The following UTRN variants were observed in gnomAD, a reference collection of about 807,000 sequenced individuals.
UTRN encodes the protein utrophin, also known as dystrophin-related protein 1.
UTRN carries 283 observed loss-of-function variants against 463.9 expected under a neutral mutation model. That is an observed-to-expected ratio of 0.61 (90% confidence interval 0.55 to 0.67). The LOEUF (loss-of-function observed/expected upper bound fraction) is 0.67. Among genes scored for constraint, UTRN ranks in the 30% least tolerant of loss-of-function variants. The pLI is 0.00. For synonymous variants in UTRN, 1,442 were observed against 1,431.5 expected (o/e 1.01, Z -0.17); for missense variants, 3,922 against 4,084.3 (o/e 0.96, Z 1.08).
chr6:144,447,211 T>TAATAACAA lies in UTRN; in HGVS notation c.1615_1616insAATAACAA (p.Cys539Ter). 1 of 1,613,572 alleles carries TAATAACAA rather than the reference T, an allele frequency of 6.2e-7. No individual in the cohort carries two copies. The highest frequency in any genetic ancestry group is 1.7e-4 in the Middle Eastern group (1 of 6,060). On this transcript the variant is annotated stop_gained and frameshift_variant and splice_region_variant, in exon 15 of 75. Coordinates refer to ENST00000367545, the MANE Select transcript of UTRN (RefSeq NM_007124.3). LOFTEE classifies it high-confidence loss of function. ...GTTCAACTTTTGTTATTACTTGTAG[T>TAATAACAA]GCTTGTTGAAAGCTTGGTTAACCGA... is the stretch of plus-strand genomic sequence containing the variant.
chr6:144,633,486 C>T (rs1236251831), intron 51 of UTRN, among the ~76,000 whole-genome samples: 1 of 152,212 alleles, frequency 6.6e-6, no homozygotes, highest in Admixed American at 6.5e-5. Flanking sequence ...CCCGCCTTGG[C>T]CTCCCAAAGT....
chr6:144,801,183 A>G (rs1433417602), intron 64 of UTRN, among the ~76,000 whole-genome samples: 1 of 152,186 alleles, frequency 6.6e-6, no homozygotes, highest in Non-Finnish European at 1.5e-5. Flanking sequence ...TTGAGAATAT[A>G]GTACATCTAA....
intron 51 of UTRN, among the ~76,000 whole-genome samples, chr6:144,600,049 C>T (rs1804079033): frequency 1.3e-5 from 2 of 152,228 alleles, no homozygotes; most frequent in Admixed American, 1.3e-4. Context: ...TTTTGGGCAC[C>T]TCAAGCCACA....
chr6:144,816,192 G>A (rs1779061055), intron 65 of UTRN, among the ~76,000 whole-genome samples: 1 of 152,190 alleles, frequency 6.6e-6, no homozygotes. Flanking sequence ...AATTGCCTGA[G>A]TTTTCCAACA....
At position 144,829,228 on chromosome 6, in the gene UTRN, C is replaced by T. The variant is rs113357956; in HGVS notation, c.9665+373C>T. ...CCCTTTCTGTGAAATCCTCTTTCTT[C>T]CACTAGCTAACATTTTTTCCATAAT... On this transcript the variant is annotated intron_variant, in intron 69 of 74. Transcript: ENST00000367545. 3.0e-3 allele frequency among the ~76,000 whole-genome samples: 459 copies of T among 152,096 alleles called. 1 individual carries two copies. The highest frequency in any genetic ancestry group is 9.5e-3 in the African/African-American group (394 of 41,516).
chr6:144,338,117 A>G (rs1380721768), intron 2 of UTRN, among the ~76,000 whole-genome samples: 2 of 152,162 alleles, frequency 1.3e-5, no homozygotes, highest in African/African-American at 4.8e-5. Flanking sequence ...CATCCTTGAC[A>G]TTACTTTTTT....
At position 144,851,442 on chromosome 6, in the gene UTRN, T is replaced by TTTTC. The variant is rs1782476782; in HGVS notation, c.*449_*452dup. On this transcript the variant is annotated 3_prime_UTR_variant, in exon 75 of 75. Transcript: ENST00000367545. ...ATTAACCTTGCACAATTACTTCATT[T>TTTTC]TTTCTTTGACTCTTTTACCACAATG... 6.3e-6 allele frequency: 1 copy of TTTTC among 158,142 alleles called. No homozygotes were observed. Among genetic ancestry groups the TTTTC allele is most frequent in the Non-Finnish European group, 1.4e-5 (1 of 71,564 alleles). 9.8% of individuals were successfully genotyped at this position (158,142 alleles called of 1,614,324 possible). A position where few individuals can be genotyped will look rare whatever the true frequency, so the allele number is the denominator to read the frequency against.
intron 73 of UTRN, among the ~76,000 whole-genome samples, chr6:144,845,413 A>AT (rs1422948501): frequency 6.6e-6 from 1 of 152,168 alleles, no homozygotes; most frequent in African/African-American, 2.4e-5. Flanking sequence ...CCACAGGCAT[A>AT]TTTTTACTAT....
chr6:144,583,196 G>A (rs1172150641), intron 51 of UTRN: 3 of 309,872 alleles, frequency 9.7e-6, no homozygotes, highest in Admixed American at 5.0e-5. Flanking sequence ...AGCCGGCAGC[G>A]CTTGGCTGCT....
At chr6:144,615,002 G>A (rs867546112) in intron 51 of UTRN, among the ~76,000 whole-genome samples, 2 of 152,034 alleles carry the variant, frequency 1.3e-5, no homozygotes, top group African/African-American at 4.8e-5. Context: ...CCTCTTTCCC[G>A]ATATTCATTT....
intron 2 of UTRN, among the ~76,000 whole-genome samples, chr6:144,311,046 A>T (rs947031716): frequency 7.9e-5 from 12 of 152,180 alleles, no homozygotes; most frequent in African/African-American, 2.9e-4. Flanking sequence ...TTATTGTGTG[A>T]TTATATTACA....
At chr6:144,486,556 A>G (rs1476936950) in intron 28 of UTRN, among the ~76,000 whole-genome samples, 1 of 151,914 alleles carries the variant, frequency 6.6e-6, no homozygotes, top group Non-Finnish European at 1.5e-5. Flanking sequence ...GAATCTTGCT[A>G]TGTTGCCCAG....
At chr6:144,803,585 T>G (rs1189542220) in intron 65 of UTRN, among the ~76,000 whole-genome samples, 1 of 152,024 alleles carries the variant, frequency 6.6e-6, no homozygotes, top group Non-Finnish European at 1.5e-5. Context: ...AAGATTCTAT[T>G]TATATTTATA....
chr6:144,615,663 C>G (rs1293127648), intron 51 of UTRN, among the ~76,000 whole-genome samples: 1 of 152,180 alleles, frequency 6.6e-6, no homozygotes, highest in Non-Finnish European at 1.5e-5. Flanking sequence ...TATTCTTAAT[C>G]ATCTGTCTCT....
At chr6:144,374,019 A>G (rs1780230591) in intron 2 of UTRN, among the ~76,000 whole-genome samples, 1 of 152,162 alleles carries the variant, frequency 6.6e-6, no homozygotes, top group Non-Finnish European at 1.5e-5. Flanking sequence ...TATAAAATAA[A>G]GTACTTCTTG....
intron 41 of UTRN, among the ~76,000 whole-genome samples, chr6:144,528,032 ATTTTTTTT>A (rs201546711): frequency 9.8e-5 from 11 of 112,112 alleles, no homozygotes; most frequent in South Asian, 6.1e-4. Flanking sequence ...AGCTAGTGTG[ATTTTTTTT>A]TTTTTTTTTT....
chr6:144,787,589 T>C (rs1039352356), intron 61 of UTRN, among the ~76,000 whole-genome samples: 1 of 152,200 alleles, frequency 6.6e-6, no homozygotes, highest in African/African-American at 2.4e-5. Context: ...ATACTTTATA[T>C]GTCATAATAT....
At chr6:144,338,389 AATATTACTCTGATGAAG>A (rs1776897224) in intron 2 of UTRN, among the ~76,000 whole-genome samples, 1 of 152,182 alleles carries the variant, frequency 6.6e-6, no homozygotes, top group East Asian at 1.9e-4. Flanking sequence ...TATTCTAAAC[AATATTACTCTGATGAAG>A]ATATTAAGGG....
intron 52 of UTRN, among the ~76,000 whole-genome samples, chr6:144,693,539 T>C (rs1783655355): frequency 6.6e-6 from 1 of 152,200 alleles, no homozygotes; most frequent in Admixed American, 6.6e-5. Context: ...AATGTTTTTC[T>C]ATTGGTTTGT....
Sources: gnomAD v4.1 joint callset for allele counts (sites outside exome capture counted in the v4.1 genomes callset) on GRCh38, gnomAD v4.1.1 for gene constraint, MANE v1.5 for transcripts, NCBI Gene and HGNC (gene_info 2026-07-23, HGNC 2026-07-21) for gene names.